The following SNTG1 variants were observed in gnomAD, a reference collection of about 807,000 sequenced individuals.
SNTG1 encodes gamma-1-syntrophin.
SNTG1 carries 39 observed loss-of-function variants against 74.7 expected under a neutral mutation model. The observed-to-expected ratio is 0.52, with a 90% CI of 0.40 to 0.68. The LOEUF is 0.68. SNTG1 is among the 30% of genes least tolerant of loss of function. The pLI, the probability that SNTG1 is intolerant of heterozygous loss-of-function variation, is 0.00. For synonymous variants in SNTG1, 254 were observed against 217.1 expected (o/e 1.17, Z -1.49); for missense variants, 685 against 609.5 (o/e 1.12, Z -1.30).
At chr8:50,011,594 G>A (rs996235538) in intron 1 of SNTG1, among the ~76,000 whole-genome samples, 4 of 149,792 alleles carry the variant, frequency 2.7e-5, no homozygotes, top group Non-Finnish European at 4.4e-5. Context: ...ATTTTTATAC[G>A]TGATTCCAGG....
At position 50,502,820 on chromosome 8, in the gene SNTG1, G is replaced by C. The variant is rs1277549468; in HGVS notation, c.406G>C (p.Val136Leu). Residue 136 changes from valine (V) to leucine (L), a missense_variant, in exon 9 of 19, where the codon GTG (valine) becomes CTG (leucine). By Grantham distance (32) the Val-to-Leu change is conservative (BLOSUM62 1). Coordinates refer to ENST00000642720, the MANE Select transcript of SNTG1 (RefSeq NM_018967.5). ...RNAGEEVTLT[V>L]SFLKRAPAFL... ...TGCTGGAGAAGAAGTGACTCTAACA[G>C]TGTCATTTTTAAAAAGAGCACCTGC... 1 of 1,613,408 alleles carries C rather than the reference G, an allele frequency of 6.2e-7. No individual in the cohort carries two copies. Among genetic ancestry groups the C allele is most frequent in the South Asian group, 1.1e-5 (1 of 91,026 alleles).
intron 15 of SNTG1, among the ~76,000 whole-genome samples, chr8:50,692,153 AT>A (rs545223596): frequency 1.3e-4 from 19 of 151,714 alleles, no homozygotes; most frequent in African/African-American, 4.1e-4. Flanking sequence ...CATTTGTCTA[AT>A]TTTTTTTCAA....
intron 4 of SNTG1, among the ~76,000 whole-genome samples, chr8:50,426,728 A>G (rs1370667446): frequency 3.9e-5 from 6 of 152,062 alleles, no homozygotes; most frequent in African/African-American, 7.2e-5. Context: ...GTAGTGTGCT[A>G]TCATTCACAA....
intron 1 of SNTG1, among the ~76,000 whole-genome samples, chr8:50,062,030 AGAT>A (rs1162351519): frequency 6.6e-6 from 1 of 152,014 alleles, no homozygotes; most frequent in African/African-American, 2.4e-5. Flanking sequence ...ATTGAAAGTA[AGAT>A]GATGGAATTT....
At chr8:50,625,520 A>G (rs2094950762) in intron 13 of SNTG1, among the ~76,000 whole-genome samples, 1 of 152,182 alleles carries the variant, frequency 6.6e-6, no homozygotes. Flanking sequence ...GTCAACTAAA[A>G]ATCAATAAAT....
chr8:50,609,443 GT>G (rs759348872), intron 13 of SNTG1, among the ~76,000 whole-genome samples: 4 of 151,934 alleles, frequency 2.6e-5, no homozygotes, highest in African/African-American at 9.7e-5. Flanking sequence ...TTTGATAAAT[GT>G]TTTTTTGCTT....
intron 18 of SNTG1, among the ~76,000 whole-genome samples, chr8:50,761,511 T>C (rs952937598): frequency 4.0e-5 from 6 of 151,788 alleles, no homozygotes; most frequent in Admixed American, 6.6e-5. Context: ...CCAAGGTGAG[T>C]TAGGCTCTGA....
intron 1 of SNTG1, among the ~76,000 whole-genome samples, chr8:50,115,576 A>AAAAAAAAAAAAAAAAAAAAACAAAAAAAC (rs1482375164): frequency 3.6e-5 from 3 of 82,800 alleles, no homozygotes; most frequent in Non-Finnish European, 5.4e-5. Flanking sequence ...TCAAAAAAAA[A>AAAAAAAAAAAAAAAAAAAAACAAAAAAAC]AAAAAAAAAA....
At chr8:50,095,725 T>C (rs2079901431) in intron 1 of SNTG1, among the ~76,000 whole-genome samples, 1 of 152,186 alleles carries the variant, frequency 6.6e-6, no homozygotes, top group African/African-American at 2.4e-5. Context: ...TTATTTCTTT[T>C]AAAGTGCCTT....
intron 18 of SNTG1, among the ~76,000 whole-genome samples, chr8:50,786,512 C>T (rs2095675643): frequency 6.6e-6 from 1 of 151,748 alleles, no homozygotes; most frequent in African/African-American, 2.4e-5. Context: ...ACAAGTTGAT[C>T]CTGAATGTAT....
intron 8 of SNTG1, among the ~76,000 whole-genome samples, chr8:50,454,788 A>C (rs1387528456): frequency 1.4e-5 from 2 of 142,634 alleles, no homozygotes; most frequent in Admixed American, 7.7e-5. Context: ...GTTGCAGTGA[A>C]CTGAGATCGT....
intron 1 of SNTG1, among the ~76,000 whole-genome samples, chr8:50,078,739 C>T (rs1196421350): frequency 2.6e-5 from 4 of 152,050 alleles, no homozygotes; most frequent in South Asian, 2.1e-4. Flanking sequence ...CAGGCCCCAG[C>T]GTGTGATATT....
chr8:50,206,982 G>A (rs1280435954), intron 2 of SNTG1, among the ~76,000 whole-genome samples: 9 of 152,094 alleles, frequency 5.9e-5, no homozygotes, highest in Admixed American at 5.9e-4. Context: ...ATTTTATTGA[G>A]GATTTTTGCA....
At chr8:50,003,362 T>C (rs1814922722) in intron 1 of SNTG1, among the ~76,000 whole-genome samples, 3 of 152,212 alleles carry the variant, frequency 2.0e-5, no homozygotes, top group Admixed American at 2.0e-4. Context: ...TTTGTAACTG[T>C]CAGTGCTTTT....
At chr8:49,960,235 T>G (rs1382063181) in intron 1 of SNTG1, among the ~76,000 whole-genome samples, 1 of 152,238 alleles carries the variant, frequency 6.6e-6, no homozygotes, top group East Asian at 1.9e-4. Flanking sequence ...ATTTGTTTTC[T>G]TGACTCTCAA....
rs571327728 is a variant in SNTG1, at chr8:50,216,569, A to G, written c.-28+43934A>G. Among the ~76,000 whole-genome samples, 171 of 152,264 alleles carry G rather than the reference A, an allele frequency of 1.1e-3. 7 individuals are homozygous for G. In the South Asian group the frequency reaches 0.033, roughly 29 times the overall value. ...CATCCTTTTGTTATAAATTACTTAG[A>G]CAAATTTGCTTTAGATTTTATCTGA... On this transcript the variant is annotated intron_variant, in intron 2 of 18. Coordinates refer to ENST00000642720, the MANE Select transcript of SNTG1 (RefSeq NM_018967.5).
At chr8:50,278,394 G>C (rs1366867717) in intron 2 of SNTG1, among the ~76,000 whole-genome samples, 5 of 151,972 alleles carry the variant, frequency 3.3e-5, no homozygotes, top group Non-Finnish European at 7.4e-5. Flanking sequence ...TGTTGGCTTT[G>C]GCCTTGTTCT....
At chr8:50,236,101 A>C (rs1187958637) in intron 2 of SNTG1, among the ~76,000 whole-genome samples, 1 of 152,098 alleles carries the variant, frequency 6.6e-6, no homozygotes, top group African/African-American at 2.4e-5. Context: ...AGGTTGTGCC[A>C]CTTTAAGATG....
chr8:50,540,930 A>T lies in SNTG1; in HGVS notation c.680+4122A>T, dbSNP rs150785144. On this transcript the variant is annotated intron_variant, in intron 11 of 18. Transcript: ENST00000642720. ...ATGTATATATACACATCTATATATTATACATATATTTGCAATATTCTTTGT... is the reference window on the plus strand; with the variant it reads ...ATGTATATATACACATCTATATATTTTACATATATTTGCAATATTCTTTGT... 3.6e-3 allele frequency among the ~76,000 whole-genome samples: 555 copies of T among 152,114 alleles called. 4 individuals are homozygous for T. Among genetic ancestry groups the T allele is most frequent in the African/African-American group, 0.013 (528 of 41,528 alleles).
Sources: allele counts gnomAD v4.1 joint callset (sites outside exome capture counted in the v4.1 genomes callset), GRCh38; gene constraint gnomAD v4.1.1; transcripts MANE v1.5; gene names NCBI Gene and HGNC (gene_info 2026-07-23, HGNC 2026-07-21).